The following CAAP1 variants were observed in gnomAD, a reference collection of about 807,000 sequenced individuals.
CAAP1 encodes caspase activity and apoptosis inhibitor 1, also known as conserved anti-apoptotic protein.
In CAAP1, 20 loss-of-function variants were observed where a neutral mutation model predicts 34.0. The observed-to-expected ratio is 0.59, with a 90% CI of 0.41 to 0.86. The LOEUF (loss-of-function observed/expected upper bound fraction) is 0.86, where lower values mean the gene tolerates loss of function less well. CAAP1 is among the 40% of genes least tolerant of loss of function. The pLI is 0.00. For missense variants in CAAP1, 538 were observed against 450.5 expected, an observed-to-expected ratio of 1.19 and a Z score of -1.76; for synonymous variants, 213 against 166.7, an observed-to-expected ratio of 1.28 and a Z score of -2.14.
rs267602202 is a variant in CAAP1 at position 26,842,553 on chromosome 9, C to A, written c.834G>T (p.Glu278Asp). ...CACTTTGGACTGTATTTTCTGGTGC[C>A]TCGGGAGCAGCTGCTTCTTCGTTGC... Reference protein sequence around the residue: ...GPCNEEAAAPEAPENTVQSEA... With the variant: ...GPCNEEAAAPDAPENTVQSEA... The change falls in exon 6 of 6, where the codon GAG becomes GAT. Residue 278 changes from glutamate (E) to aspartate (D), a missense_variant. By Grantham distance (45) the Glu-to-Asp change is conservative. This residue lies in a region of CAAP1 where 514 missense variants were observed against 408.4 expected (regional missense o/e 1.26). Coordinates refer to ENST00000333916, the MANE Select transcript of CAAP1 (RefSeq NM_024828.4). 3 of 1,614,082 alleles carry A rather than the reference C, an allele frequency of 1.9e-6. No homozygotes were observed. The highest frequency in any genetic ancestry group is 2.5e-6 in the Non-Finnish European group (3 of 1,180,052).
chr9:26,852,241 G>T (rs951268554), intron 5 of CAAP1, among the ~76,000 whole-genome samples: 1 of 152,008 alleles, frequency 6.6e-6, no homozygotes, highest in African/African-American at 2.4e-5. Context: ...ATCACTTGAG[G>T]TCAGGAGTTC....
rs556184328 is a variant in CAAP1 at position 26,873,389 on chromosome 9, C to T, written c.665+11421G>A. On this transcript the variant is annotated intron_variant, in intron 4 of 5. Coordinates refer to ENST00000333916, the MANE Select transcript of CAAP1 (RefSeq NM_024828.4). ...GCACCATTTTCACTGGTATCTCCCT[C>T]AAAATCACTCAATAAAAGCACATTC... Among the ~76,000 whole-genome samples the T allele has an allele frequency of 2.6e-5, 4 of 152,318 alleles. 1 individual carries two copies. In the South Asian group the frequency reaches 8.3e-4, roughly 32 times the overall value.
intron 4 of CAAP1, chr9:26,880,041 T>G (rs1823547904): frequency 1.1e-5 from 2 of 190,150 alleles, no homozygotes; most frequent in Non-Finnish European, 1.1e-5. Context: ...AGGTATCTTT[T>G]GACTCTATGG....
chr9:26,860,777 C>A (rs1251567202), intron 5 of CAAP1, among the ~76,000 whole-genome samples: 1 of 151,968 alleles, frequency 6.6e-6, no homozygotes, highest in Non-Finnish European at 1.5e-5. Flanking sequence ...GGCGACAGGG[C>A]AAGACTCTGT....
At chr9:26,882,242 A>G (rs781417578) in intron 4 of CAAP1, among the ~76,000 whole-genome samples, 59 of 152,370 alleles carry the variant, frequency 3.9e-4, no homozygotes, top group Non-Finnish European at 8.1e-4. Context: ...CCCAATGTTA[A>G]TCGCCAAGAC....
chr9:26,884,716 A>G (rs909284452), intron 4 of CAAP1, 94 bp downstream of exon 4: 11 of 908,412 alleles, frequency 1.2e-5, no homozygotes, highest in Non-Finnish European at 1.9e-5. Flanking sequence ...TTTTATAAAT[A>G]AAACACAGAA....
At chr9:26,843,010 CA>C (rs1822515977) in intron 5 of CAAP1, among the ~76,000 whole-genome samples, 1 of 152,164 alleles carries the variant, frequency 6.6e-6, no homozygotes, top group African/African-American at 2.4e-5. Flanking sequence ...CCTCTGGATA[CA>C]GTATGGCTTA....
At chr9:26,861,759 T>C (rs533119697) in intron 4 of CAAP1, among the ~76,000 whole-genome samples, 62 of 152,264 alleles carry the variant, frequency 4.1e-4, no homozygotes, top group African/African-American at 1.5e-3. Flanking sequence ...ATTATAAATG[T>C]TCAAATGAGC....
intron 4 of CAAP1, among the ~76,000 whole-genome samples, chr9:26,876,233 C>T (rs1289582888): frequency 2.0e-5 from 3 of 152,162 alleles, no homozygotes; most frequent in African/African-American, 7.2e-5. Context: ...ATCTCTGCTT[C>T]CAGCATCTCT....
intron 5 of CAAP1, among the ~76,000 whole-genome samples, chr9:26,859,510 T>G (rs967843746): frequency 1.8e-4 from 27 of 152,182 alleles, no homozygotes; most frequent in African/African-American, 6.3e-4. Context: ...TCAGATGATG[T>G]AATAGCATAT....
rs1822505290 is a variant in CAAP1, at chr9:26,842,512, T to G, written c.875A>C (p.Asp292Ala). ...NTVQSEAGQI[D>A]DLEKDIEKSV... Reference sequence around the variant, plus strand: ...TTTCTCAATGTCTTTCTCCAGGTCATCTATCTGACCAGCTTCACTTTGGAC... The same window carrying G: ...TTTCTCAATGTCTTTCTCCAGGTCAGCTATCTGACCAGCTTCACTTTGGAC... The change falls in exon 6 of 6, where the codon GAT becomes GCT. Residue 292 changes from aspartate to alanine, a missense_variant. Transcript: ENST00000333916. 1 of 1,614,072 alleles carries G rather than the reference T, an allele frequency of 6.2e-7. No individual in the cohort carries two copies. The highest frequency in any genetic ancestry group is 8.5e-7 in the Non-Finnish European group (1 of 1,180,030).
chr9:26,887,224 A>C (rs1563894865), intron 2 of CAAP1, 89 bp downstream of exon 2: 2 of 842,892 alleles, frequency 2.4e-6, no homozygotes, highest in South Asian at 4.1e-5. Flanking sequence ...AAAAACAAAC[A>C]AACAAAACCG....
intron 5 of CAAP1, among the ~76,000 whole-genome samples, chr9:26,851,256 G>C (rs912087390): frequency 6.6e-6 from 1 of 152,202 alleles, no homozygotes; most frequent in Non-Finnish European, 1.5e-5. Context: ...AAATCAGGGA[G>C]ATATTCATAG....
intron 4 of CAAP1, chr9:26,880,270 G>T: frequency 2.5e-6 from 1 of 405,976 alleles, no homozygotes. Flanking sequence ...CTTGCCTCCC[G>T]CAAAGCACCA....
intron 4 of CAAP1, among the ~76,000 whole-genome samples, chr9:26,871,977 G>C (rs1823288369): frequency 6.6e-6 from 1 of 151,644 alleles, no homozygotes; most frequent in Non-Finnish European, 1.5e-5. Flanking sequence ...CTAATCTCTG[G>C]CTTTCAATTG....
Position 26,886,104 on chromosome 9 carries a change from C to A in CAAP1, c.589G>T (p.Gly197Cys). Residue 197 changes from glycine (G) to cysteine (C), a missense_variant and splice_region_variant, in exon 3 of 6, where the codon GGT (glycine) becomes TGT (cysteine). By Grantham distance (159) the Gly-to-Cys change is radical. Transcript: ENST00000333916. Reference sequence around the variant, plus strand: ...AGAATGTAAAAATATGTATTCTTACCCTCAAGAATCTTCAAAATTTTTTTT... The same window carrying A: ...AGAATGTAAAAATATGTATTCTTACACTCAAGAATCTTCAAAATTTTTTTT... The part of the protein sequence containing the change: ...SEKKILKILE[G>C]DNGMDSDMEE... 1.3e-6 allele frequency: 2 copies of A among 1,508,718 alleles called. No homozygotes were observed. The highest frequency in any genetic ancestry group is 1.4e-5 in the African/African-American group (1 of 70,720). The allele number at this position is 1,508,718 out of a possible 1,614,324, so 93.5% of individuals were successfully genotyped here. A position where few individuals can be genotyped will look rare whatever the true frequency, so the allele number is the denominator to read the frequency against.
chr9:26,863,179 T>C (rs907013700), intron 4 of CAAP1, among the ~76,000 whole-genome samples: 2 of 152,148 alleles, frequency 1.3e-5, no homozygotes, highest in Non-Finnish European at 1.5e-5. Context: ...AACAATTTAG[T>C]TTAGTGCCCA....
chr9:26,853,124 T>C (rs528252203), intron 5 of CAAP1, among the ~76,000 whole-genome samples: 2 of 152,186 alleles, frequency 1.3e-5, no homozygotes, highest in East Asian at 1.9e-4. Flanking sequence ...TGACCATTCA[T>C]ACAGTACAAA....
intron 5 of CAAP1, among the ~76,000 whole-genome samples, chr9:26,856,130 G>T (rs576086992): frequency 2.6e-4 from 38 of 148,434 alleles, no homozygotes; most frequent in Admixed American, 6.6e-4. Flanking sequence ...TTTTTAAAAG[G>T]GGGGGGGTAG....
Sources: allele counts gnomAD v4.1 joint callset (sites outside exome capture counted in the v4.1 genomes callset), GRCh38; gene constraint gnomAD v4.1.1; regional missense constraint gnomAD v4.1.1; transcripts MANE v1.5; gene names NCBI Gene and HGNC (gene_info 2026-07-23, HGNC 2026-07-21).